Variants in MEGF6 observed in about 807,000 individuals in gnomAD.
MEGF6 encodes the protein multiple epidermal growth factor-like domains protein 6.
In MEGF6, 184 loss-of-function variants were observed where a neutral mutation model predicts 207.1. The ratio of observed to expected loss-of-function variants is 0.89; its 90% CI spans 0.79 to 1.00. The LOEUF (loss-of-function observed/expected upper bound fraction) is 1.00. Ranked by LOEUF, MEGF6 falls within the 50% of genes least tolerant of loss-of-function variation. The probability of loss-of-function intolerance (pLI) is 0.00; values close to 1 mark genes in which losing one functional copy is unlikely to be tolerated. For missense variants in MEGF6, 2,282 were observed against 2,202.9 expected, an observed-to-expected ratio of 1.04 and a Z score of -0.72; for synonymous variants, 1,038 against 910.0, an observed-to-expected ratio of 1.14 and a Z score of -2.53.
At chr1:3,599,046 G>A (rs568825970) in intron 2 of MEGF6, among the ~76,000 whole-genome samples, 11 of 152,280 alleles carry the variant, frequency 7.2e-5, no homozygotes, top group African/African-American at 1.9e-4. Context: ...ATCACCCCGC[G>A]GCCCTGCCTG....
At chr1:3,524,327 GC>G in intron 4 of MEGF6, 81 bp from the exon 5 acceptor site, 1 of 1,555,666 alleles carries the variant, frequency 6.4e-7, no homozygotes, top group Non-Finnish European at 8.8e-7. Context: ...GGTGCCGGGG[GC>G]CCAGACCCAG....
At chr1:3,509,048 G>A (rs763408818) in intron 12 of MEGF6, 27 bp downstream of exon 12, 6 of 1,510,212 alleles carry the variant, frequency 4.0e-6, no homozygotes, top group South Asian at 1.3e-5. Flanking sequence ...GCGAGCAGGA[G>A]CCCCCGGGGG....
intron 23 of MEGF6, 94 bp from the exon 24 acceptor site, chr1:3,499,360 C>T (rs1640753104): frequency 2.7e-6 from 4 of 1,469,794 alleles, no homozygotes; most frequent in Non-Finnish European, 2.7e-6. Flanking sequence ...TGCCGGGGTC[C>T]CCTCGGCTGC....
intron 27 of MEGF6, 34 bp from the exon 28 acceptor site, chr1:3,497,153 A>G: frequency 6.5e-7 from 1 of 1,542,138 alleles, no homozygotes; most frequent in Non-Finnish European, 8.8e-7. Flanking sequence ...GTCCTGGCCC[A>G]GCCCCGCCAA....
intron 2 of MEGF6, among the ~76,000 whole-genome samples, chr1:3,599,626 G>GC (rs1056876952): frequency 6.6e-6 from 1 of 152,248 alleles, no homozygotes; most frequent in African/African-American, 2.4e-5. Context: ...TGGCCTCACA[G>GC]CCCGAGTCAC....
chr1:3,551,981 A>G (rs1028322949), intron 4 of MEGF6, among the ~76,000 whole-genome samples: 1 of 152,082 alleles, frequency 6.6e-6, no homozygotes, highest in African/African-American at 2.4e-5. Flanking sequence ...GACATCAGCA[A>G]TCCCAGCCCC....
chr1:3,554,284 G>A (rs1257150752), intron 4 of MEGF6, among the ~76,000 whole-genome samples: 1 of 152,180 alleles, frequency 6.6e-6, no homozygotes, highest in Admixed American at 6.5e-5. Flanking sequence ...CCAGCGCCCC[G>A]ACCAGGCGGC....
Position 3,512,131 on chromosome 1 carries a change from G to A in MEGF6, c.854-3C>T. On this transcript the variant is annotated splice_polypyrimidine_tract_variant and splice_region_variant and intron_variant, in intron 7 of 36. Coordinates refer to ENST00000356575, the MANE Select transcript of MEGF6 (RefSeq NM_001409.4). ...CCCTGCGGCACATTCGTCCACATCTGGAGGGGAGAGACCACAGGGAGGGCT... is the reference window on the plus strand; with the variant it reads ...CCCTGCGGCACATTCGTCCACATCTAGAGGGGAGAGACCACAGGGAGGGCT... The A allele has an allele frequency of 6.2e-7, 1 of 1,601,062 alleles. No homozygotes were observed. Among genetic ancestry groups the A allele is most frequent in the Non-Finnish European group, 8.5e-7 (1 of 1,171,376 alleles).
intron 4 of MEGF6, 108 bp from the exon 5 acceptor site, chr1:3,524,354 C>T (rs916679336): frequency 1.3e-5 from 19 of 1,430,384 alleles, no homozygotes; most frequent in Non-Finnish European, 1.7e-5. Context: ...TCCCGTGCCT[C>T]GAGGGCACCA....
intron 21 of MEGF6, 80 bp from the exon 22 acceptor site, chr1:3,500,004 C>G: frequency 6.8e-7 from 1 of 1,471,698 alleles, no homozygotes; most frequent in South Asian, 1.4e-5. Flanking sequence ...TGCCGCCATC[C>G]CCAGGACTGT....
In MEGF6 at chr1:3,531,821, G is replaced by GA. The variant is rs35313829; in HGVS notation, c.482-7576dup. Among the ~76,000 whole-genome samples, 20 of 151,632 alleles carry GA rather than the reference G, an allele frequency of 1.3e-4. 1 individual carries two copies. In the South Asian group the frequency reaches 1.9e-3, roughly 14 times the overall value. On this transcript the variant is annotated intron_variant, in intron 4 of 36. Transcript: ENST00000356575. ...GTCCTGGCCGGGCCGCGGGGCGGGG[G>GA]AGGGGGGCCGCGGGGCGGGGGAGGG...
chr1:3,574,702 G>A (rs1557787349), intron 4 of MEGF6, among the ~76,000 whole-genome samples: 1 of 152,180 alleles, frequency 6.6e-6, no homozygotes, highest in Non-Finnish European at 1.5e-5. Flanking sequence ...GAGTCCAGTG[G>A]CGCAATCTTG....
chr1:3,601,022 T>G (rs1395126450), intron 2 of MEGF6, among the ~76,000 whole-genome samples: 1 of 152,124 alleles, frequency 6.6e-6, no homozygotes, highest in Non-Finnish European at 1.5e-5. Flanking sequence ...GGGGATCCCC[T>G]GCCAGTGCCC....
intron 18 of MEGF6, 152 bp from the exon 19 acceptor site, chr1:3,501,460 ACCTCCTGGGG>A: frequency 8.3e-7 from 1 of 1,199,392 alleles, no homozygotes; most frequent in Non-Finnish European, 1.1e-6. Context: ...GGACCCGGGC[ACCTCCTGGGG>A]CTGCAGGCTG....
At chr1:3,531,547 G>A in intron 4 of MEGF6, 2 of 987,710 alleles carry the variant, frequency 2.0e-6, no homozygotes, top group South Asian at 9.3e-5. Flanking sequence ...CCCCCAGGGG[G>A]CCGCGCCGGC....
intron 3 of MEGF6, among the ~76,000 whole-genome samples, chr1:3,588,543 G>A (rs1412365904): frequency 5.6e-5 from 8 of 142,438 alleles, no homozygotes; most frequent in Non-Finnish European, 1.2e-4. Context: ...TGGCCAGGAG[G>A]GGGCAGGAGG....
At chr1:3,531,836 G>A (rs1642187228) in intron 4 of MEGF6, among the ~76,000 whole-genome samples, 1 of 152,120 alleles carries the variant, frequency 6.6e-6, no homozygotes, top group Non-Finnish European at 1.5e-5. Context: ...GGGCCGCGGG[G>A]CGGGGGAGGG....
intron 5 of MEGF6, among the ~76,000 whole-genome samples, chr1:3,521,469 C>G (rs1205134223): frequency 6.6e-6 from 1 of 152,168 alleles, no homozygotes; most frequent in Non-Finnish European, 1.5e-5. Context: ...AGCCCTTGGC[C>G]AGGAGCTGAG....
In MEGF6 at chr1:3,505,280, C is replaced by A. The variant is rs1258342016; in HGVS notation, c.2116G>T (p.Ala706Ser). 7 of 1,612,256 alleles carry A rather than the reference C, an allele frequency of 4.3e-6. No individual in the cohort carries two copies. In the East Asian group the frequency reaches 1.3e-4, roughly 31 times the overall value. Residue 706 changes from alanine (A) to serine (S), a missense_variant, in exon 17 of 37, where the codon GCC (alanine) becomes TCC (serine). By Grantham distance (99) the Ala-to-Ser change is moderately conservative. Transcript: ENST00000356575. The part of the protein sequence containing the change: ...WQACTCPVGV[A>S]CDSVSGECGK... ...CACTCGCCGCTCACGGAGTCACAGG[C>A]CACGCCCACTGGGCAGGTGCATGCC...
Sources: gnomAD v4.1 joint callset for allele counts (sites outside exome capture counted in the v4.1 genomes callset) on GRCh38, gnomAD v4.1.1 for gene constraint, MANE v1.5 for transcripts, NCBI Gene and HGNC (gene_info 2026-07-23, HGNC 2026-07-21) for gene names.